Variants in PACRG observed in about 807,000 individuals in gnomAD.
The protein encoded by PACRG is parkin coregulated gene protein.
Under a neutral mutation model 29.7 loss-of-function variants are expected in PACRG, and 29 were observed. The ratio of observed to expected loss-of-function variants is 0.98; its 90% confidence interval spans 0.73 to 1.33. The LOEUF (loss-of-function observed/expected upper bound fraction) is 1.33, where lower values mean the gene tolerates loss of function less well. Among genes scored for constraint, PACRG ranks in the 40% most tolerant of loss-of-function variants. PACRG has a pLI of 0.00. For synonymous variants in PACRG, 116 were observed against 118.7 expected, an observed-to-expected ratio of 0.98 and a Z score of 0.15; for missense variants, 279 against 316.2, an observed-to-expected ratio of 0.88 and a Z score of 0.89.
At chr6:163,154,200 G>A (rs1056835448) in intron 4 of PACRG, among the ~76,000 whole-genome samples, 5 of 152,192 alleles carry the variant, frequency 3.3e-5, no homozygotes, top group Admixed American at 2.0e-4. Flanking sequence ...TGCCCCCAGG[G>A]TTGCTCAGCC....
At chr6:162,817,009 A>G (rs1584445020) in intron 2 of PACRG, among the ~76,000 whole-genome samples, 1 of 152,140 alleles carries the variant, frequency 6.6e-6, no homozygotes, top group South Asian at 2.1e-4. Context: ...CTCTCCTCAG[A>G]CACCCTAGAG....
At chr6:162,858,094 C>T (rs1043350822) in intron 2 of PACRG, among the ~76,000 whole-genome samples, 1 of 152,162 alleles carries the variant, frequency 6.6e-6, no homozygotes, top group African/African-American at 2.4e-5. Context: ...GTGTTTAGCA[C>T]TTAAGTAATG....
At chr6:163,258,324 ATTTC>A (rs1783193450) in intron 4 of PACRG, among the ~76,000 whole-genome samples, 1 of 152,084 alleles carries the variant, frequency 6.6e-6, no homozygotes, top group South Asian at 2.1e-4. Flanking sequence ...GTCATGTTGG[ATTTC>A]TTGCATTGTG....
upstream of PACRG, chr6:162,727,325 C>CGGCGGCGGGGCGAAGGTGAGGGGT (rs1260656754): frequency 1.3e-5 from 5 of 378,230 alleles, no homozygotes; most frequent in Non-Finnish European, 2.4e-5. Context: ...AGGTGAGGGG[C>CGGCGGCGGGGCGAAGGTGAGGGGT]GGCGGCGGGG....
chr6:163,140,053 C>T (rs1817091094), intron 4 of PACRG, among the ~76,000 whole-genome samples: 1 of 152,206 alleles, frequency 6.6e-6, no homozygotes, highest in South Asian at 2.1e-4. Context: ...CCAGGCTGGT[C>T]TCTCCCCTTG....
At chr6:162,727,552 C>T, upstream of PACRG, 2 of 1,219,850 alleles carry the variant, frequency 1.6e-6, no homozygotes, top group East Asian at 5.3e-5. Flanking sequence ...CACTTTGGCC[C>T]CGTCATTGAC....
At chr6:163,114,811 A>G (rs77518694) in intron 4 of PACRG, among the ~76,000 whole-genome samples, 1,560 of 151,414 alleles carry the variant, frequency 0.01, 30 homozygotes, top group African/African-American at 0.036. Context: ...ATTATACTCT[A>G]TTGCATACTA....
intron 2 of PACRG, among the ~76,000 whole-genome samples, chr6:162,965,754 C>T (rs544905094): frequency 6.6e-6 from 1 of 152,260 alleles, no homozygotes; most frequent in Admixed American, 6.5e-5. Context: ...AAACTCACAG[C>T]CAATGACAGG....
At chr6:163,314,544 C>A (rs1221441458) in intron 4 of PACRG, among the ~76,000 whole-genome samples, 1 of 152,116 alleles carries the variant, frequency 6.6e-6, no homozygotes. Context: ...TATAATAGAT[C>A]AAGAAAGAGA....
chr6:162,878,301 G>A (rs573119441), intron 2 of PACRG, among the ~76,000 whole-genome samples: 2 of 152,124 alleles, frequency 1.3e-5, no homozygotes, highest in Non-Finnish European at 2.9e-5. Flanking sequence ...AGTCATGTAT[G>A]TGAATAAGAA....
chr6:163,167,230 A>T (rs1366309887), intron 4 of PACRG, among the ~76,000 whole-genome samples: 1 of 152,236 alleles, frequency 6.6e-6, no homozygotes, highest in African/African-American at 2.4e-5. Flanking sequence ...TGCCATTATT[A>T]TGATTAAATT....
At position 162,773,967 on chromosome 6, in the gene PACRG, C is replaced by A. The variant is rs557459382; in HGVS notation, c.157-40180C>A. Among the ~76,000 whole-genome samples, 15 of 152,168 alleles carry A rather than the reference C, an allele frequency of 9.9e-5. No homozygotes were observed. In the South Asian group the frequency reaches 1.7e-3, roughly 17 times the overall value. On this transcript the variant is annotated intron_variant, in intron 1 of 4. Transcript: ENST00000366888. Reference sequence around the variant, plus strand: ...AATGAACAAAAAATATAAACTGCACCAAAATTCAATATTTTGTTACTTTGC... The same window carrying A: ...AATGAACAAAAAATATAAACTGCACAAAAATTCAATATTTTGTTACTTTGC...
chr6:162,733,313 C>T (rs1779916106), intron 1 of PACRG, among the ~76,000 whole-genome samples: 1 of 152,154 alleles, frequency 6.6e-6, no homozygotes, highest in Admixed American at 6.6e-5. Context: ...GTTTTATCTC[C>T]TTATGTAAAT....
chr6:163,203,608 G>T (rs148983032), intron 4 of PACRG, among the ~76,000 whole-genome samples: 7 of 152,298 alleles, frequency 4.6e-5, no homozygotes, highest in African/African-American at 1.7e-4. Flanking sequence ...AGCGCATCAC[G>T]CTGGCAGGGC....
chr6:162,805,872 A>G (rs536075781), intron 1 of PACRG, among the ~76,000 whole-genome samples: 27 of 152,290 alleles, frequency 1.8e-4, no homozygotes, highest in Middle Eastern at 3.4e-3. Flanking sequence ...TTTCTGCTAC[A>G]TCTCCAGTTA....
chr6:163,052,665 C>G (rs1438770892), intron 2 of PACRG, among the ~76,000 whole-genome samples: 2 of 152,154 alleles, frequency 1.3e-5, no homozygotes, highest in Non-Finnish European at 2.9e-5. Context: ...AAATGTGAGT[C>G]AATTAAACCT....
At chr6:163,249,189 G>A (rs993036199) in intron 4 of PACRG, among the ~76,000 whole-genome samples, 3 of 152,152 alleles carry the variant, frequency 2.0e-5, no homozygotes, top group East Asian at 1.9e-4. Flanking sequence ...AAGGATGCAC[G>A]CAAAGTCTCT....
chr6:163,212,881 C>A (rs1294098545), intron 4 of PACRG, among the ~76,000 whole-genome samples: 1 of 151,910 alleles, frequency 6.6e-6, no homozygotes, highest in Non-Finnish European at 1.5e-5. Flanking sequence ...CAGGTTCATG[C>A]CATTCTCCTG....
chr6:162,885,765 C>T (rs1027946364), intron 2 of PACRG, among the ~76,000 whole-genome samples: 16 of 151,480 alleles, frequency 1.1e-4, no homozygotes, highest in African/African-American at 3.2e-4. Flanking sequence ...TGCGTGCACA[C>T]GTGCATGTGT....
Sources: allele counts gnomAD v4.1 joint callset (sites outside exome capture counted in the v4.1 genomes callset), GRCh38; gene constraint gnomAD v4.1.1; transcripts MANE v1.5; gene names NCBI Gene and HGNC (gene_info 2026-07-23, HGNC 2026-07-21).